The following TMEM108 variants were observed in gnomAD, a reference collection of about 807,000 sequenced individuals.
The protein encoded by TMEM108 is cancer/testis antigen 124.
TMEM108 carries 12 observed loss-of-function variants against 35.1 expected under a neutral mutation model. The observed-to-expected ratio is 0.34, with a 90% CI of 0.22 to 0.55. TMEM108 has a LOEUF of 0.55. TMEM108 is among the 20% of genes least tolerant of loss of function. The probability of loss-of-function intolerance (pLI) is 0.89; values close to 1 mark genes in which losing one functional copy is unlikely to be tolerated. For missense variants in TMEM108, 680 were observed against 753.3 expected, an observed-to-expected ratio of 0.90 and a Z score of 1.14; for synonymous variants, 287 against 308.6, an observed-to-expected ratio of 0.93 and a Z score of 0.73.
chr3:133,254,314 A>T (rs1319855629), intron 3 of TMEM108, among the ~76,000 whole-genome samples: 1 of 152,250 alleles, frequency 6.6e-6, no homozygotes, highest in Non-Finnish European at 1.5e-5. Context: ...TAGTGACAAC[A>T]AAGGCTTCCC....
intron 2 of TMEM108, among the ~76,000 whole-genome samples, chr3:133,143,339 C>T (rs1944666097): frequency 1.3e-5 from 2 of 151,618 alleles, no homozygotes; most frequent in South Asian, 4.2e-4. Context: ...GACTTATTTC[C>T]AGATTTCATA....
chr3:133,180,433 A>G (rs1945317967), intron 2 of TMEM108, among the ~76,000 whole-genome samples: 1 of 152,154 alleles, frequency 6.6e-6, no homozygotes, highest in African/African-American at 2.4e-5. Context: ...TGTTTTTACA[A>G]ATCAATGTAA....
At chr3:133,278,951 T>C (rs1166021296) in intron 3 of TMEM108, among the ~76,000 whole-genome samples, 2 of 152,196 alleles carry the variant, frequency 1.3e-5, no homozygotes, top group Admixed American at 6.5e-5. Flanking sequence ...TTTGAGGACA[T>C]ACATGAAAGT....
chr3:133,218,987 G>A (rs1945949309), intron 2 of TMEM108, among the ~76,000 whole-genome samples: 1 of 151,966 alleles, frequency 6.6e-6, no homozygotes, highest in Admixed American at 6.6e-5. Context: ...GTTTGGTAGA[G>A]TTAAGTAGTT....
At chr3:133,314,497 T>G (rs115708994) in intron 3 of TMEM108, among the ~76,000 whole-genome samples, 2 of 152,200 alleles carry the variant, frequency 1.3e-5, no homozygotes, top group African/African-American at 4.8e-5. Context: ...ACATGCATGC[T>G]TTGGGAAAGA....
chr3:133,307,318 A>G (rs1276950379), intron 3 of TMEM108, among the ~76,000 whole-genome samples: 2 of 152,190 alleles, frequency 1.3e-5, no homozygotes, highest in Non-Finnish European at 2.9e-5. Flanking sequence ...CCCTTTCTGT[A>G]GGTTGCCTGT....
At chr3:133,335,709 A>C (rs921088668) in intron 3 of TMEM108, among the ~76,000 whole-genome samples, 1 of 152,174 alleles carries the variant, frequency 6.6e-6, no homozygotes, top group African/African-American at 2.4e-5. Context: ...TTTAATAACT[A>C]TCTACACCAA....
chr3:133,121,667 A>C (rs1944353750), intron 2 of TMEM108, among the ~76,000 whole-genome samples: 1 of 152,188 alleles, frequency 6.6e-6, no homozygotes, highest in Non-Finnish European at 1.5e-5. Flanking sequence ...TGTTACTGAA[A>C]ACCGTCACAA....
At chr3:133,273,199 T>C (rs1044131617) in intron 3 of TMEM108, among the ~76,000 whole-genome samples, 7 of 152,188 alleles carry the variant, frequency 4.6e-5, no homozygotes, top group African/African-American at 1.7e-4. Context: ...CACAGGTAAA[T>C]AACCCTAGTC....
intron 2 of TMEM108, among the ~76,000 whole-genome samples, chr3:133,218,573 G>A (rs1024904182): frequency 2.6e-5 from 4 of 151,858 alleles, no homozygotes; most frequent in African/African-American, 4.8e-5. Context: ...TACTTTTATT[G>A]TATACTTAAT....
intron 2 of TMEM108, among the ~76,000 whole-genome samples, chr3:133,209,141 G>A (rs1945800051): frequency 2.6e-5 from 4 of 152,028 alleles, no homozygotes; most frequent in Non-Finnish European, 4.4e-5. Context: ...ACTAGCTCAA[G>A]GGATCCTGCT....
At chr3:133,097,829 C>A (rs1944035376) in intron 2 of TMEM108, among the ~76,000 whole-genome samples, 1 of 152,204 alleles carries the variant, frequency 6.6e-6, no homozygotes, top group Non-Finnish European at 1.5e-5. Context: ...CTGCAATACA[C>A]TCCTCCATCA....
At chr3:133,330,600 T>C (rs539606165) in intron 3 of TMEM108, among the ~76,000 whole-genome samples, 1 of 152,276 alleles carries the variant, frequency 6.6e-6, no homozygotes, top group South Asian at 2.1e-4. Flanking sequence ...TTTTTGTTGG[T>C]GGTGGTGGTA....
chr3:133,345,438 G>A (rs552156063), intron 3 of TMEM108, among the ~76,000 whole-genome samples: 3 of 151,700 alleles, frequency 2.0e-5, no homozygotes, highest in East Asian at 3.9e-4. Flanking sequence ...AACACCAATA[G>A]CTCTTATTAT....
chr3:133,047,305 T>A (rs1943352359), intron 2 of TMEM108, among the ~76,000 whole-genome samples: 1 of 152,200 alleles, frequency 6.6e-6, no homozygotes, highest in Non-Finnish European at 1.5e-5. Context: ...TCCTGTATTT[T>A]AAAAGTATAT....
intron 3 of TMEM108, among the ~76,000 whole-genome samples, chr3:133,371,613 C>CAAAAAAAAAAAAAAAAAAAAAAAAAAA (rs3054624): frequency 9.0e-5 from 7 of 78,098 alleles, no homozygotes; most frequent in African/African-American, 3.5e-4. Flanking sequence ...CACAAACCCA[C>CAAAAAAAAAAAAAAAAAAAAAAAAAAA]AAAAAAAAAA....
At position 133,205,798 on chromosome 3, in the gene TMEM108, G is replaced by T. The variant is rs377501802; in HGVS notation, c.-46-23468G>T. Among the ~76,000 whole-genome samples, 75 of 152,258 alleles carry T rather than the reference G, an allele frequency of 4.9e-4. 1 individual carries two copies. In the South Asian group the frequency reaches 0.015, roughly 30 times the overall value. On this transcript the variant is annotated intron_variant, in intron 2 of 5. Transcript: ENST00000321871. The stretch of plus-strand genomic sequence containing the variant: ...GTCTTGGGGTTGCTCTTCTCAAGGA[G>T]TATCTTTGTGGTGCTCTCTGTATTT...
intron 4 of TMEM108, among the ~76,000 whole-genome samples, chr3:133,385,308 C>T (rs2073119552): frequency 6.6e-6 from 1 of 152,120 alleles, no homozygotes; most frequent in Non-Finnish European, 1.5e-5. Flanking sequence ...GAATGTCCCC[C>T]AGCTGTTCCA....
chr3:133,320,709 G>A (rs1439306900), intron 3 of TMEM108, among the ~76,000 whole-genome samples: 5 of 152,162 alleles, frequency 3.3e-5, no homozygotes, highest in South Asian at 4.1e-4. Flanking sequence ...TCACCCAGGT[G>A]CGTAATCATC....
Sources: allele counts gnomAD v4.1 joint callset (sites outside exome capture counted in the v4.1 genomes callset), GRCh38; gene constraint gnomAD v4.1.1; transcripts MANE v1.5; gene names NCBI Gene and HGNC (gene_info 2026-07-23, HGNC 2026-07-21).